The following UMAD1 variants were observed in gnomAD, a reference collection of about 807,000 sequenced individuals.
UMAD1 encodes UBAP1-MVB12-associated (UMA) domain containing 1, also known as UBAP1-MVB12-associated (UMA)-domain containing protein 1.
A neutral mutation model predicts 6.1 loss-of-function variants in UMAD1; 8 were observed. The observed-to-expected ratio is 1.30, with a 90% CI of 0.76 to 2.35. The LOEUF is 2.35. Among genes scored for constraint, UMAD1 ranks in the 30% most tolerant of loss-of-function variants. The pLI is 0.00. For synonymous variants in UMAD1, 56 were observed against 31.4 expected (o/e 1.78, Z -2.61); for missense variants, 130 against 78.4 (o/e 1.66, Z -2.49).
At chr7:7,644,752 T>A (rs1316554563) in intron 1 of UMAD1, among the ~76,000 whole-genome samples, 1 of 152,218 alleles carries the variant, frequency 6.6e-6, no homozygotes, top group Non-Finnish European at 1.5e-5. Context: ...GTGTAGCTTA[T>A]CATAACTTTT....
intron 3 of UMAD1, among the ~76,000 whole-genome samples, chr7:7,818,683 A>G (rs1265822389): frequency 6.6e-6 from 1 of 152,256 alleles, no homozygotes; most frequent in Non-Finnish European, 1.5e-5. Context: ...AGGAATATAA[A>G]TCATTCTATT....
chr7:7,803,532 A>G (rs578070759), intron 3 of UMAD1, among the ~76,000 whole-genome samples: 4 of 152,236 alleles, frequency 2.6e-5, no homozygotes, highest in African/African-American at 4.8e-5. Context: ...TTCAAAAATC[A>G]TCCACAATTA....
chr7:7,795,485 A>T (rs1782658366), intron 2 of UMAD1, among the ~76,000 whole-genome samples: 1 of 152,222 alleles, frequency 6.6e-6, no homozygotes, highest in Non-Finnish European at 1.5e-5. Flanking sequence ...GCAAGAAAGA[A>T]TTTGGGGTGA....
chr7:7,681,414 C>G (rs1391766559), intron 2 of UMAD1, among the ~76,000 whole-genome samples: 1 of 152,064 alleles, frequency 6.6e-6, no homozygotes, highest in South Asian at 2.1e-4. Flanking sequence ...CTGGGCTGTT[C>G]ATATACAGTT....
chr7:7,837,580 A>G (rs1005849020), intron 3 of UMAD1, among the ~76,000 whole-genome samples: 4 of 152,118 alleles, frequency 2.6e-5, no homozygotes, highest in African/African-American at 9.7e-5. Flanking sequence ...GGTATTCACT[A>G]AAGAAAAGAA....
intron 2 of UMAD1, among the ~76,000 whole-genome samples, chr7:7,762,914 G>A (rs1781919423): frequency 6.6e-6 from 1 of 152,056 alleles, no homozygotes; most frequent in African/African-American, 2.4e-5. Context: ...AATTTTAGCA[G>A]GTTTGATTGT....
chr7:7,732,358 C>A (rs1158537053), intron 2 of UMAD1, among the ~76,000 whole-genome samples: 1 of 152,058 alleles, frequency 6.6e-6, no homozygotes, highest in East Asian at 1.9e-4. Context: ...CAAACATTTT[C>A]TAATGAGTTG....
At chr7:7,834,617 C>G (rs910445217) in intron 3 of UMAD1, among the ~76,000 whole-genome samples, 1 of 152,010 alleles carries the variant, frequency 6.6e-6, no homozygotes, top group Non-Finnish European at 1.5e-5. Flanking sequence ...TGTGTCTTCA[C>G]AGGCAGAGAA....
chr7:7,646,400 T>G (rs561757658), intron 1 of UMAD1, among the ~76,000 whole-genome samples: 32 of 151,864 alleles, frequency 2.1e-4, no homozygotes, highest in African/African-American at 7.2e-4. Context: ...ATGGGGACAG[T>G]TTCCCCCATA....
chr7:7,837,110 A>C (rs4725040), intron 3 of UMAD1, among the ~76,000 whole-genome samples: 119,151 of 151,930 alleles, frequency 0.78, 47,570 homozygotes, highest in African/African-American at 0.94. Context: ...AATTAACAGA[A>C]CTAAAGCTGA....
intron 2 of UMAD1, among the ~76,000 whole-genome samples, chr7:7,782,384 C>T (rs1031964221): frequency 1.3e-5 from 2 of 152,026 alleles, no homozygotes; most frequent in Non-Finnish European, 2.9e-5. Context: ...TTCATACATG[C>T]GTGCATGTAA....
At chr7:7,796,240 C>CTTTTTTTT (rs1782675248) in intron 2 of UMAD1, among the ~76,000 whole-genome samples, 3 of 95,984 alleles carry the variant, frequency 3.1e-5, no homozygotes, top group African/African-American at 1.7e-4. Context: ...TTTCTATTTT[C>CTTTTTTTT]TTTCTTTTTT....
chr7:7,722,195 CTATATAGA>C (rs978807217), intron 2 of UMAD1, among the ~76,000 whole-genome samples: 21 of 148,580 alleles, frequency 1.4e-4, no homozygotes, highest in African/African-American at 2.5e-4. Flanking sequence ...ATCTATATAT[CTATATAGA>C]TATATAGATA....
At chr7:7,877,205 G>A (rs1784434920) in intron 3 of UMAD1, 76 bp from the exon 4 acceptor site, 2 of 657,062 alleles carry the variant, frequency 3.0e-6, no homozygotes, top group Non-Finnish European at 5.7e-6. Flanking sequence ...TCATTTTGAT[G>A]TATTAATGCC....
In UMAD1 at chr7:7,808,958, C is replaced by T. The variant is rs995769539; in HGVS notation, c.156+7215C>T. The stretch of plus-strand genomic sequence containing the variant: ...CCTGTGGTTATACTGACAGAAGACA[C>T]AAAAATTATTTATATTAAGAAACTG... On this transcript the variant is annotated intron_variant, in intron 3 of 3. Coordinates refer to ENST00000682710, the MANE Select transcript of UMAD1 (RefSeq NM_001302348.2). Among the ~76,000 whole-genome samples, 5 of 151,872 alleles carry T rather than the reference C, an allele frequency of 3.3e-5. No homozygotes were observed. The East Asian group carries it at 5.8e-4, about 18-fold the overall frequency.
At chr7:7,697,997 C>T (rs1240872455) in intron 2 of UMAD1, among the ~76,000 whole-genome samples, 2 of 152,166 alleles carry the variant, frequency 1.3e-5, no homozygotes, top group African/African-American at 4.8e-5. Flanking sequence ...GCTGACCCCA[C>T]TACTCATTTG....
chr7:7,673,477 T>A, intron 2 of UMAD1, 24 bp downstream of exon 2: 1 of 739,518 alleles, frequency 1.4e-6, no homozygotes, highest in Non-Finnish European at 2.4e-6. Context: ...AGAAACAAAA[T>A]AATTAGATGA....
chr7:7,647,246 A>G lies in UMAD1; in HGVS notation c.-64+6425A>G, dbSNP rs958972137. ...TTTCAGCATATTTCTTTTTTGACCCATGCATTATTTTTGTTTCAAAATGTA... is the reference window on the plus strand; with the variant it reads ...TTTCAGCATATTTCTTTTTTGACCCGTGCATTATTTTTGTTTCAAAATGTA... On this transcript the variant is annotated intron_variant, in intron 1 of 3. Transcript: ENST00000682710. Among the ~76,000 whole-genome samples the G allele has an allele frequency of 3.3e-5, 5 of 152,276 alleles. No individual in the cohort carries two copies. The South Asian group carries it at 6.2e-4, about 19-fold the overall frequency.
chr7:7,845,512 T>C (rs1235288682), intron 3 of UMAD1, among the ~76,000 whole-genome samples: 1 of 152,116 alleles, frequency 6.6e-6, no homozygotes, highest in Non-Finnish European at 1.5e-5. Flanking sequence ...ACTAGTGCCC[T>C]TCTCAGTGAA....
Sources: gnomAD v4.1 joint callset for allele counts (sites outside exome capture counted in the v4.1 genomes callset) on GRCh38, gnomAD v4.1.1 for gene constraint, MANE v1.5 for transcripts, NCBI Gene and HGNC (gene_info 2026-07-23, HGNC 2026-07-21) for gene names.